The following ANKFY1 variants were observed in gnomAD, a reference collection of about 807,000 sequenced individuals.
ANKFY1 encodes the protein ankyrin repeat and FYVE domain containing 1.
Under a neutral mutation model 128.3 loss-of-function variants are expected in ANKFY1, and 47 were observed. The ratio of observed to expected loss-of-function variants is 0.37; its 90% CI spans 0.29 to 0.47. The LOEUF is 0.47. Among genes scored for constraint, ANKFY1 ranks in the 20% least tolerant of loss-of-function variants. The pLI is 1.00. For missense variants in ANKFY1, 1,222 were observed against 1,510.6 expected, an observed-to-expected ratio of 0.81 and a Z score of 3.17; for synonymous variants, 553 against 601.6, an observed-to-expected ratio of 0.92 and a Z score of 1.18.
chr17:4,171,522 G>GAA (rs1408566227), intron 22 of ANKFY1, among the ~76,000 whole-genome samples: 1 of 152,188 alleles, frequency 6.6e-6, no homozygotes. Context: ...ATCAAATGAG[G>GAA]AAGCAGGCCT....
intron 7 of ANKFY1, among the ~76,000 whole-genome samples, chr17:4,202,008 A>G (rs1211530277): frequency 3.3e-5 from 5 of 152,238 alleles, no homozygotes; most frequent in African/African-American, 1.2e-4. Flanking sequence ...TTATTAGGAC[A>G]AAGGGCCTTA....
At chr17:4,170,578 T>C in intron 23 of ANKFY1, 137 bp downstream of exon 23, 2 of 1,228,510 alleles carry the variant, frequency 1.6e-6, no homozygotes, top group Non-Finnish European at 1.1e-6. Context: ...TTCAGAGAAA[T>C]GGTCCCAGCT....
rs112964797 is a variant in ANKFY1 at position 4,195,896 on chromosome 17, G to A, written c.1104-425C>T. Among the ~76,000 whole-genome samples the A allele has an allele frequency of 6.4e-3, 976 of 151,982 alleles. 4 individuals are homozygous for A. Among genetic ancestry groups the A allele is most frequent in the Non-Finnish European group, 8.5e-3 (578 of 67,962 alleles). On this transcript the variant is annotated intron_variant, in intron 8 of 24. Transcript: ENST00000341657. ...GCAACAGGAAAGAACTGATGAAAGC[G>A]GCATTTAACCCCTTTCACTGCTTTC...
At chr17:4,177,900 C>G (rs2059436762) in intron 18 of ANKFY1, 1 of 152,486 alleles carries the variant, frequency 6.6e-6, no homozygotes, top group Admixed American at 6.5e-5. Context: ...CACACCGTCT[C>G]CTGTAGTTCC....
At chr17:4,237,011 C>T (rs1416182174) in intron 2 of ANKFY1, among the ~76,000 whole-genome samples, 1 of 151,986 alleles carries the variant, frequency 6.6e-6, no homozygotes, top group Non-Finnish European at 1.5e-5. Context: ...TAGCAGGCAC[C>T]TGTAATCCCA....
chr17:4,175,161 C>T (rs985100952), intron 19 of ANKFY1, among the ~76,000 whole-genome samples: 5 of 151,310 alleles, frequency 3.3e-5, no homozygotes, highest in Non-Finnish European at 5.9e-5. Flanking sequence ...GGCAAAACCT[C>T]ATCTCTACAA....
intron 19 of ANKFY1, 46 bp downstream of exon 19, chr17:4,177,080 T>G (rs958492919): frequency 6.7e-7 from 1 of 1,489,148 alleles, no homozygotes; most frequent in Non-Finnish European, 9.0e-7. Context: ...CTCTACAATA[T>G]GCTTTGACAA....
At chr17:4,261,214 T>C (rs1185526122) in intron 1 of ANKFY1, among the ~76,000 whole-genome samples, 23 of 152,090 alleles carry the variant, frequency 1.5e-4, no homozygotes, top group Admixed American at 1.5e-3. Flanking sequence ...GCCGGCCGGG[T>C]GTGGTGGCTC....
intron 3 of ANKFY1, among the ~76,000 whole-genome samples, chr17:4,227,418 T>A (rs761603868): frequency 3.3e-5 from 5 of 152,198 alleles, no homozygotes; most frequent in Non-Finnish European, 7.3e-5. Context: ...CTGTAATTCA[T>A]CAAAAATTAT....
chr17:4,253,012 G>C (rs555099142), intron 1 of ANKFY1, among the ~76,000 whole-genome samples: 23 of 152,308 alleles, frequency 1.5e-4, no homozygotes, highest in African/African-American at 5.3e-4. Flanking sequence ...TTGAGGTCAG[G>C]AGTTCGAGAC....
intron 3 of ANKFY1, among the ~76,000 whole-genome samples, chr17:4,224,065 A>T (rs11650720): frequency 0.5 from 75,904 of 152,062 alleles, 21,281 homozygotes; most frequent in East Asian, 0.75. Flanking sequence ...TTTTTAAAAC[A>T]TAGTTACCTT....
intron 1 of ANKFY1, among the ~76,000 whole-genome samples, chr17:4,259,903 C>A (rs1212354259): frequency 2.0e-5 from 3 of 152,174 alleles, no homozygotes; most frequent in African/African-American, 4.8e-5. Context: ...TGAACAGACA[C>A]TGAGTGAATA....
intron 11 of ANKFY1, chr17:4,188,330 C>A (rs2059649506): frequency 6.6e-6 from 1 of 152,422 alleles, no homozygotes; most frequent in East Asian, 1.9e-4. Context: ...CCAAGATACA[C>A]TTGTCTGGCT....
At chr17:4,223,566 T>C in intron 3 of ANKFY1, 1 of 1,243,000 alleles carries the variant, frequency 8.0e-7, no homozygotes, top group Non-Finnish European at 1.2e-6. Flanking sequence ...ACGAGTTTTC[T>C]AGCACTAGTG....
chr17:4,217,884 A>AT (rs1230344689), intron 3 of ANKFY1, among the ~76,000 whole-genome samples: 1 of 152,074 alleles, frequency 6.6e-6, no homozygotes, highest in Non-Finnish European at 1.5e-5. Flanking sequence ...CGGTTTCACC[A>AT]TGTTGCCCAG....
chr17:4,174,774 G>C (rs946505140), intron 19 of ANKFY1, among the ~76,000 whole-genome samples: 1 of 152,048 alleles, frequency 6.6e-6, no homozygotes, highest in African/African-American at 2.4e-5. Context: ...CCAGGCTGGA[G>C]TGCAGTGGTA....
chr17:4,173,523 C>T (rs1169607695), intron 20 of ANKFY1, 79 bp from the exon 21 acceptor site: 11 of 1,362,908 alleles, frequency 8.1e-6, no homozygotes, highest in Admixed American at 1.8e-5. Context: ...CCTCACAGAC[C>T]TCTCTGTAAA....
Position 4,166,581 on chromosome 17 carries a change from A to G in ANKFY1, c.*1198T>C, listed in dbSNP as rs1454909223. Reference sequence around the variant, plus strand: ...GTTCTGGCAGCCTCATCCAGCACACAAGCCAGAGACTTCCAAAGTAAGGTG... The same window carrying G: ...GTTCTGGCAGCCTCATCCAGCACACGAGCCAGAGACTTCCAAAGTAAGGTG... On this transcript the variant is annotated 3_prime_UTR_variant, in exon 25 of 25. Transcript: ENST00000341657. 1.3e-5 allele frequency: 2 copies of G among 152,536 alleles called. No homozygotes were observed. Among genetic ancestry groups the G allele is most frequent in the Non-Finnish European group, 2.9e-5 (2 of 68,062 alleles). 9.4% of individuals were successfully genotyped at this position (152,536 alleles called of 1,614,324 possible). A position where few individuals can be genotyped will look rare whatever the true frequency, so the allele number is the denominator to read the frequency against.
At chr17:4,219,825 C>T (rs949794797) in intron 3 of ANKFY1, among the ~76,000 whole-genome samples, 7 of 151,700 alleles carry the variant, frequency 4.6e-5, no homozygotes, top group African/African-American at 1.7e-4. Context: ...GTAATAGCAC[C>T]TTTTCTTTTT....
Sources: gnomAD v4.1 joint callset for allele counts (sites outside exome capture counted in the v4.1 genomes callset) on GRCh38, gnomAD v4.1.1 for gene constraint, MANE v1.5 for transcripts, NCBI Gene and HGNC (gene_info 2026-07-23, HGNC 2026-07-21) for gene names.